Variants in CDKAL1 observed in about 807,000 individuals in gnomAD.
The protein encoded by CDKAL1 is threonylcarbamoyladenosine tRNA methylthiotransferase.
CDKAL1 carries 32 observed loss-of-function variants against 68.2 expected under a neutral mutation model. The ratio of observed to expected loss-of-function variants is 0.47; its 90% CI spans 0.35 to 0.63. The LOEUF is 0.63. Among genes scored for constraint, CDKAL1 ranks in the 30% least tolerant of loss-of-function variants. The pLI, the probability that CDKAL1 is intolerant of heterozygous loss-of-function variation, is 0.00. For synonymous variants in CDKAL1, 234 were observed against 244.3 expected (o/e 0.96, Z 0.39); for missense variants, 606 against 696.7 (o/e 0.87, Z 1.47).
At chr6:20,795,948 C>T (rs1396864806) in intron 8 of CDKAL1, among the ~76,000 whole-genome samples, 3 of 152,094 alleles carry the variant, frequency 2.0e-5, no homozygotes, top group Non-Finnish European at 4.4e-5. Context: ...ATAAGTGATC[C>T]TTGAGAATCA....
At chr6:20,592,421 A>G (rs1303699538) in intron 4 of CDKAL1, among the ~76,000 whole-genome samples, 3 of 150,496 alleles carry the variant, frequency 2.0e-5, no homozygotes, top group African/African-American at 7.3e-5. Context: ...GAGTGGTGAG[A>G]GAGGGCATCC....
chr6:20,719,160 A>G (rs1236497609), intron 5 of CDKAL1, among the ~76,000 whole-genome samples: 1 of 152,208 alleles, frequency 6.6e-6, no homozygotes, highest in Non-Finnish European at 1.5e-5. Context: ...CAGAAAGAGA[A>G]GAGTGAAGTT....
At chr6:21,171,348 G>C (rs1200586324) in intron 13 of CDKAL1, among the ~76,000 whole-genome samples, 1 of 151,978 alleles carries the variant, frequency 6.6e-6, no homozygotes, top group Non-Finnish European at 1.5e-5. Flanking sequence ...GAGTAGCTGG[G>C]ATTACAGGCG....
At chr6:20,833,209 G>A (rs1032667626) in intron 8 of CDKAL1, among the ~76,000 whole-genome samples, 1 of 152,088 alleles carries the variant, frequency 6.6e-6, no homozygotes, top group African/African-American at 2.4e-5. Context: ...TGGTTCCAGC[G>A]TTAGTTTTTT....
chr6:20,939,859 C>T (rs1581872885), intron 9 of CDKAL1, among the ~76,000 whole-genome samples: 1 of 152,134 alleles, frequency 6.6e-6, no homozygotes, highest in African/African-American at 2.4e-5. Context: ...CTATTCCACC[C>T]ATGTATGGCA....
chr6:21,199,759 C>T (rs1032144504), intron 14 of CDKAL1, among the ~76,000 whole-genome samples: 1 of 152,162 alleles, frequency 6.6e-6, no homozygotes, highest in African/African-American at 2.4e-5. Flanking sequence ...TAGAGATTTT[C>T]TTATTTTATA....
intron 5 of CDKAL1, among the ~76,000 whole-genome samples, chr6:20,651,030 T>C (rs1362914897): frequency 6.6e-6 from 1 of 152,170 alleles, no homozygotes; most frequent in East Asian, 1.9e-4. Flanking sequence ...TTGTCTTGGC[T>C]ATATGGGCTC....
chr6:20,825,509 TAA>T (rs756549359), intron 8 of CDKAL1, among the ~76,000 whole-genome samples: 22 of 152,136 alleles, frequency 1.4e-4, no homozygotes, highest in Non-Finnish European at 2.5e-4. Flanking sequence ...AAATAGAAGG[TAA>T]GTGTTTAGAA....
chr6:21,141,902 G>A (rs1775931350), intron 13 of CDKAL1, among the ~76,000 whole-genome samples: 2 of 152,130 alleles, frequency 1.3e-5, no homozygotes, highest in Admixed American at 1.3e-4. Context: ...TTAGGAATTT[G>A]ACAGAATAAT....
intron 11 of CDKAL1, among the ~76,000 whole-genome samples, chr6:21,032,487 T>A (rs1369527689): frequency 6.6e-6 from 1 of 152,198 alleles, no homozygotes. Flanking sequence ...TAGAGCTGAT[T>A]ATAATACCTA....
At chr6:20,897,852 TA>T (rs1561866986) in intron 9 of CDKAL1, among the ~76,000 whole-genome samples, 1 of 152,134 alleles carries the variant, frequency 6.6e-6, no homozygotes, top group Non-Finnish European at 1.5e-5. Context: ...ATAAAATAAT[TA>T]AAAGTACATT....
chr6:20,649,221 C>G lies in CDKAL1; in HGVS notation c.287-72C>G, dbSNP rs1410026264. The G allele has an allele frequency of 6.0e-6, 6 of 999,272 alleles. No homozygotes were observed. The African/African-American group carries it at 9.8e-5, about 16-fold the overall frequency. 61.9% of individuals were successfully genotyped at this position (999,272 alleles called of 1,614,324 possible). On this transcript the variant is annotated intron_variant, in intron 4 of 15. Coordinates refer to ENST00000274695, the MANE Select transcript of CDKAL1 (RefSeq NM_017774.3). ...TTTTCTCTCCCCTACCGCAGCAATC[C>G]CAGTGCCACTGGATATTTTTGAATG... is the stretch of plus-strand genomic sequence containing the variant.
intron 9 of CDKAL1, among the ~76,000 whole-genome samples, chr6:20,872,037 A>C (rs545599876): frequency 1.7e-4 from 26 of 152,280 alleles, no homozygotes; most frequent in African/African-American, 6.0e-4. Flanking sequence ...AGCAACAGAA[A>C]AGACTCAAGC....
At chr6:21,167,941 G>A (rs55917589) in intron 13 of CDKAL1, among the ~76,000 whole-genome samples, 2,563 of 152,212 alleles carry the variant, frequency 0.017, 40 homozygotes, top group Non-Finnish European at 0.027. Context: ...ATAAGTAGAC[G>A]TGCACACCCA....
chr6:21,091,771 C>G (rs1773017830), intron 12 of CDKAL1, among the ~76,000 whole-genome samples: 1 of 150,368 alleles, frequency 6.7e-6, no homozygotes, highest in Non-Finnish European at 1.5e-5. Flanking sequence ...ATGTTGACAT[C>G]AGAGGTTCCA....
At position 20,969,803 on chromosome 6, in the gene CDKAL1, CG is replaced by C. The variant is rs966899997; in HGVS notation, c.909+14219del. 9.9e-5 allele frequency among the ~76,000 whole-genome samples: 15 copies of C among 152,260 alleles called. No homozygotes were observed. In the South Asian group the frequency reaches 1.0e-3, roughly 11 times the overall value. On this transcript the variant is annotated intron_variant, in intron 10 of 15. Coordinates refer to ENST00000274695, the MANE Select transcript of CDKAL1 (RefSeq NM_017774.3). ...TTTAGCCAGAGGTGAGAGTTTAGCA[CG>C]TTCTCAGATATTTGGTTCTCAGCAT...
intron 11 of CDKAL1, among the ~76,000 whole-genome samples, chr6:21,024,471 A>T (rs2150866853): frequency 6.6e-6 from 1 of 152,192 alleles, no homozygotes; most frequent in Non-Finnish European, 1.5e-5. Context: ...AATGTAGTGA[A>T]ACCCCATCTC....
intron 13 of CDKAL1, among the ~76,000 whole-genome samples, chr6:21,193,122 A>C (rs529412975): frequency 6.6e-6 from 1 of 152,272 alleles, no homozygotes; most frequent in East Asian, 1.9e-4. Flanking sequence ...ACACCCAGCC[A>C]AGCTTTGTTG....
chr6:20,991,393 A>G (rs1356194412), intron 10 of CDKAL1, among the ~76,000 whole-genome samples: 1 of 152,138 alleles, frequency 6.6e-6, no homozygotes, highest in Non-Finnish European at 1.5e-5. Flanking sequence ...ACTGAACTGT[A>G]TACCTAAAAA....
Sources: allele counts gnomAD v4.1 joint callset (sites outside exome capture counted in the v4.1 genomes callset), GRCh38; gene constraint gnomAD v4.1.1; transcripts MANE v1.5; gene names NCBI Gene and HGNC (gene_info 2026-07-23, HGNC 2026-07-21).